The following ROCK2 variants were observed in gnomAD, a reference collection of about 807,000 sequenced individuals.
ROCK2 encodes rho-associated protein kinase 2.
Under a neutral mutation model 195.1 loss-of-function variants are expected in ROCK2, and 61 were observed. The ratio of observed to expected loss-of-function variants is 0.31; its 90% CI spans 0.25 to 0.39. The LOEUF (loss-of-function observed/expected upper bound fraction) is 0.39, where lower values mean the gene tolerates loss of function less well. Ranked by LOEUF, ROCK2 falls within the 10% of genes least tolerant of loss-of-function variation. The probability of loss-of-function intolerance (pLI) is 1.00; values close to 1 mark genes in which losing one functional copy is unlikely to be tolerated. For missense variants in ROCK2, 1,109 were observed against 1,637.4 expected (o/e 0.68, Z 5.57); for synonymous variants, 504 against 545.5 (o/e 0.92, Z 1.06).
chr2:11,215,671 C>CA, intron 13 of ROCK2, 26 bp from the exon 14 acceptor site: 1 of 1,550,600 alleles, frequency 6.4e-7, no homozygotes, highest in Middle Eastern at 1.7e-4. Context: ...AAGTTATTAT[C>CA]AAAAAAGTAT....
At chr2:11,269,802 G>T (rs979599815) in intron 3 of ROCK2, among the ~76,000 whole-genome samples, 1 of 152,180 alleles carries the variant, frequency 6.6e-6, no homozygotes, top group African/African-American at 2.4e-5. Flanking sequence ...CCAGGCTGGA[G>T]TAAAGTGGTA....
intron 15 of ROCK2, 30 bp from the exon 16 acceptor site, chr2:11,215,116 C>A: frequency 6.2e-7 from 1 of 1,611,376 alleles, no homozygotes; most frequent in African/African-American, 1.3e-5. Flanking sequence ...CAAACAACAA[C>A]AAACAAACAC....
intron 32 of ROCK2, among the ~76,000 whole-genome samples, 194 bp downstream of exon 32, chr2:11,191,954 G>A (rs1663438592): frequency 6.6e-6 from 1 of 152,156 alleles, no homozygotes; most frequent in Non-Finnish European, 1.5e-5. Context: ...GATTTAGTAA[G>A]TAAGTTTATA....
chr2:11,232,310 G>T (rs960559942), intron 5 of ROCK2, among the ~76,000 whole-genome samples: 1 of 152,006 alleles, frequency 6.6e-6, no homozygotes, highest in African/African-American at 2.4e-5. Context: ...TCTGTTTTTA[G>T]TAGAAACGGG....
chr2:11,244,956 T>C lies in ROCK2; in HGVS notation c.462+4705A>G, dbSNP rs138365507. ...AAACCAAGAGCCCATGTTTAAATAA[T>C]TAAATTAAATTAAAGGTCAAATCTC... On this transcript the variant is annotated intron_variant, in intron 4 of 32. Transcript: ENST00000315872. Among the ~76,000 whole-genome samples, 327 of 151,968 alleles carry C rather than the reference T, an allele frequency of 2.2e-3. 4 individuals carry two copies. The highest frequency in any genetic ancestry group is 7.5e-3 in the African/African-American group (311 of 41,478).
chr2:11,192,863 G>T lies in ROCK2; in HGVS notation c.3688-151C>A. ...AGTACAAACTTAAGCTCTTGATTAC[G>T]CAAACTTAATCAAGAGCTTATATAA... On this transcript the variant is annotated intron_variant, in intron 30 of 32. Transcript: ENST00000315872. The surrounding 1 kb of genome is among the most constrained non-coding windows in gnomAD (Gnocchi z 5.0). The T allele has an allele frequency of 1.1e-6, 1 of 916,354 alleles. No individual in the cohort carries two copies. The highest frequency in any genetic ancestry group is 1.6e-6 in the Non-Finnish European group (1 of 630,126). 56.8% of individuals were successfully genotyped at this position (916,354 alleles called of 1,614,324 possible). A position where few individuals can be genotyped will look rare whatever the true frequency, so the allele number is the denominator to read the frequency against.
At position 11,214,212 on chromosome 2, in the gene ROCK2, T is replaced by C. The variant is rs527403868; in HGVS notation, c.2043+145A>G. The C allele has an allele frequency of 2.2e-5, 13 of 586,968 alleles. No homozygotes were observed. The South Asian group carries it at 2.7e-4, about 12-fold the overall frequency. The allele number at this position is 586,968 out of a possible 1,614,324, so 36.4% of individuals were successfully genotyped here. A position where few individuals can be genotyped will look rare whatever the true frequency, so the allele number is the denominator to read the frequency against. Reference sequence around the variant, plus strand: ...ATGGTAAGCCTGCAGATACATCTCTTATCTACACATCAAGTCCAAATCAAA... The same window carrying C: ...ATGGTAAGCCTGCAGATACATCTCTCATCTACACATCAAGTCCAAATCAAA... On this transcript the variant is annotated intron_variant, in intron 17 of 32. Coordinates refer to ENST00000315872, the MANE Select transcript of ROCK2 (RefSeq NM_004850.5).
At chr2:11,272,019 CA>C (rs34999311) in intron 3 of ROCK2, among the ~76,000 whole-genome samples, 255 of 113,746 alleles carry the variant, frequency 2.2e-3, no homozygotes, top group African/African-American at 6.1e-3. Flanking sequence ...GACTCCATCT[CA>C]AAAAAAAAAA....
At chr2:11,340,076 G>A (rs1174008808) in intron 1 of ROCK2, among the ~76,000 whole-genome samples, 1 of 152,194 alleles carries the variant, frequency 6.6e-6, no homozygotes, top group Non-Finnish European at 1.5e-5. Flanking sequence ...AGCTACTGAA[G>A]TGTATGTAAG....
chr2:11,229,785 T>A (rs1328941128), intron 5 of ROCK2, among the ~76,000 whole-genome samples: 1 of 152,110 alleles, frequency 6.6e-6, no homozygotes. Context: ...AAAAATAATA[T>A]ATTTTGGTTA....
At chr2:11,220,000 C>T (rs761011858) in intron 9 of ROCK2, among the ~76,000 whole-genome samples, 2 of 151,812 alleles carry the variant, frequency 1.3e-5, no homozygotes, top group Admixed American at 1.3e-4. Flanking sequence ...CGCAAACCAC[C>T]ACATCTGGCT....
intron 5 of ROCK2, chr2:11,234,156 C>G (rs1266571333): frequency 6.6e-6 from 1 of 151,742 alleles, no homozygotes. Flanking sequence ...CAAAATTAGG[C>G]CATGTTTTAC....
intron 1 of ROCK2, among the ~76,000 whole-genome samples, chr2:11,319,562 T>C (rs1214408743): frequency 6.6e-6 from 1 of 152,186 alleles, no homozygotes; most frequent in Non-Finnish European, 1.5e-5. Context: ...ACAATTTGAC[T>C]TCCTCTTTTC....
chr2:11,295,364 A>G lies in ROCK2; in HGVS notation c.142-7628T>C, dbSNP rs192930439. Among the ~76,000 whole-genome samples the G allele has an allele frequency of 2.0e-5, 3 of 152,310 alleles. No individual in the cohort carries two copies. The East Asian group carries it at 5.8e-4, about 29-fold the overall frequency. ...TGATTGTAGGCAAGTTAGACTTTTT[A>G]AAAAGTATTTTCCATATTTGAAACT... On this transcript the variant is annotated intron_variant, in intron 1 of 32. Transcript: ENST00000315872.
At chr2:11,219,064 C>A in intron 9 of ROCK2, 38 bp from the exon 10 acceptor site, 2 of 1,157,018 alleles carry the variant, frequency 1.7e-6, no homozygotes, top group Admixed American at 2.4e-5. Context: ...TTTTTCATTT[C>A]ATTTTAATCT....
At chr2:11,337,504 T>C (rs1384537393) in intron 1 of ROCK2, among the ~76,000 whole-genome samples, 1 of 152,092 alleles carries the variant, frequency 6.6e-6, no homozygotes, top group Non-Finnish European at 1.5e-5. Flanking sequence ...ATGAGGGAAA[T>C]GCAAATCATG....
intron 18 of ROCK2, among the ~76,000 whole-genome samples, chr2:11,209,026 A>G (rs1664159836): frequency 6.6e-6 from 1 of 152,194 alleles, no homozygotes; most frequent in African/African-American, 2.4e-5. Context: ...CTTTATTTAT[A>G]TTCTACAAGA....
chr2:11,265,277 A>G (rs1364562754), intron 3 of ROCK2, among the ~76,000 whole-genome samples: 1 of 152,204 alleles, frequency 6.6e-6, no homozygotes, highest in African/African-American at 2.4e-5. Flanking sequence ...ATCTTCAGAA[A>G]TGGGCAAGTT....
intron 3 of ROCK2, among the ~76,000 whole-genome samples, chr2:11,253,111 T>G (rs1374686886): frequency 6.6e-6 from 1 of 152,104 alleles, no homozygotes; most frequent in Non-Finnish European, 1.5e-5. Flanking sequence ...TTGGTGCTCC[T>G]TTTTACTCAG....
Sources: gnomAD v4.1 joint callset for allele counts (sites outside exome capture counted in the v4.1 genomes callset) on GRCh38, gnomAD v4.1.1 for gene constraint, Gnocchi (gnomAD v3.1) non-coding constraint, MANE v1.5 for transcripts, NCBI Gene and HGNC (gene_info 2026-07-23, HGNC 2026-07-21) for gene names.